Variants in TET1 observed in about 807,000 individuals in gnomAD.
TET1 encodes tet methylcytosine dioxygenase 1.
Under a neutral mutation model 148.7 loss-of-function variants are expected in TET1, and 13 were observed. The ratio of observed to expected loss-of-function variants is 0.09; its 90% CI spans 0.06 to 0.14. The LOEUF is 0.14. Among genes scored for constraint, TET1 ranks in the 10% least tolerant of loss-of-function variants. TET1 has a pLI of 1.00. For synonymous variants in TET1, 907 were observed against 937.2 expected (o/e 0.97, Z 0.59); for missense variants, 2,182 against 2,553.8 (o/e 0.85, Z 3.14).
chr10:68,655,971 A>G (rs1457840010), intron 6 of TET1, among the ~76,000 whole-genome samples: 2 of 151,934 alleles, frequency 1.3e-5, no homozygotes, highest in Admixed American at 6.6e-5. Context: ...GTGGGATTAG[A>G]CTCTCATAGG....
Position 68,573,746 on chromosome 10 carries a change from C to G in TET1, c.1408C>G (p.Pro470Ala). ...LAVQGAIQIL[P>A]LGSGHTPQSS... ...AGTCCAGGGTGCTATACAGATTTTG[C>G]CTTTGGGCTCAGGACACACTCCTCA... Residue 470 changes from proline to alanine, a missense_variant, in exon 2 of 12, where the codon CCT (proline) becomes GCT (alanine). By Grantham distance (27) the Pro-to-Ala change is conservative (BLOSUM62 -1). Transcript: ENST00000373644. 6.2e-7 allele frequency: 1 copy of G among 1,614,008 alleles called. No individual in the cohort carries two copies. Among genetic ancestry groups the G allele is most frequent in the Non-Finnish European group, 8.5e-7 (1 of 1,180,038 alleles).
At position 68,646,539 on chromosome 10, in the gene TET1, G is replaced by A. The variant is rs765606047; in HGVS notation, c.3810G>A (p.Thr1270=). 8.1e-6 allele frequency: 13 copies of A among 1,614,088 alleles called. No homozygotes were observed. The highest frequency in any genetic ancestry group is 3.3e-5 in the South Asian group (3 of 91,068). The part of the protein sequence containing the change: ...LDSLSLFHLK[T]ESNGKAFTDK... Reference sequence around the variant, plus strand: ...CACTCAGCTTATTTCATCTTAAAACGGAATCCAACGGGAAGGCATTCACTG... The same window carrying A: ...CACTCAGCTTATTTCATCTTAAAACAGAATCCAACGGGAAGGCATTCACTG... The change falls in exon 4 of 12, where the codon ACG becomes ACA. Residue 1270 remains threonine, a synonymous_variant. Coordinates refer to ENST00000373644, the MANE Select transcript of TET1 (RefSeq NM_030625.3).
At chr10:68,605,214 T>C (rs1048408040) in intron 3 of TET1, among the ~76,000 whole-genome samples, 2 of 152,210 alleles carry the variant, frequency 1.3e-5, no homozygotes, top group Non-Finnish European at 2.9e-5. Flanking sequence ...GGCTCAGGCC[T>C]GTAATCCCAA....
chr10:68,582,553 G>A lies in TET1; in HGVS notation c.1914+8301G>A, dbSNP rs2053809985. Among the ~76,000 whole-genome samples, 4 of 152,102 alleles carry A rather than the reference G, an allele frequency of 2.6e-5. No individual in the cohort carries two copies. The South Asian group carries it at 8.3e-4, about 32-fold the overall frequency. On this transcript the variant is annotated intron_variant, in intron 2 of 11. Coordinates refer to ENST00000373644, the MANE Select transcript of TET1 (RefSeq NM_030625.3). Reference sequence around the variant, plus strand: ...AGTGTTAATATGATACAAATTGAACGACTGACTGTCCACTATTTTATGTGC... The same window carrying A: ...AGTGTTAATATGATACAAATTGAACAACTGACTGTCCACTATTTTATGTGC...
At chr10:68,635,586 T>A (rs1368107122) in intron 3 of TET1, among the ~76,000 whole-genome samples, 1 of 152,224 alleles carries the variant, frequency 6.6e-6, no homozygotes, top group Admixed American at 6.5e-5. Context: ...ATAGCTAAGA[T>A]ACTGAAAAGA....
In TET1 at chr10:68,644,852, A is replaced by C. The variant is rs746393438; in HGVS notation, c.2123A>C (p.Glu708Ala). Residue 708 changes from glutamate (E) to alanine (A), a missense_variant, in exon 4 of 12, where the codon GAG becomes GCG. This residue lies in a region of TET1 where 226 missense variants were observed against 307.4 expected (regional missense o/e 0.74). Coordinates refer to ENST00000373644, the MANE Select transcript of TET1 (RefSeq NM_030625.3). ...GACAGCATGACAGGCATCGAGGTGG[A>C]GAAGTGGACACAAAACAAGAAATCA... ...NEDSMTGIEV[E>A]KWTQNKKSQL... The C allele has an allele frequency of 6.2e-7, 1 of 1,613,948 alleles. No homozygotes were observed. Among genetic ancestry groups the C allele is most frequent in the Non-Finnish European group, 8.5e-7 (1 of 1,179,924 alleles).
intron 1 of TET1, among the ~76,000 whole-genome samples, chr10:68,567,673 A>C (rs1447817978): frequency 6.6e-6 from 1 of 151,438 alleles, no homozygotes; most frequent in Non-Finnish European, 1.5e-5. Flanking sequence ...TGAGGTCAGG[A>C]ATTGGAGACC....
intron 2 of TET1, among the ~76,000 whole-genome samples, chr10:68,592,895 C>A (rs192230940): frequency 6.6e-6 from 1 of 152,166 alleles, no homozygotes; most frequent in East Asian, 1.9e-4. Flanking sequence ...TGGGTGGCAA[C>A]AATGACATTC....
rs1275431119 is a variant in TET1 at position 68,624,131 on chromosome 10, C to CTGTT, written c.1969-20566_1969-20563dup. On this transcript the variant is annotated intron_variant, in intron 3 of 11. Transcript: ENST00000373644. ...TTTTTTTTTGAAATGGAGTCTCGAT[C>CTGTT]TGTTGCCCAGGCTGGAGTGCAGTGT... 1.4e-4 allele frequency among the ~76,000 whole-genome samples: 20 copies of CTGTT among 148,030 alleles called. 1 individual carries two copies. The South Asian group carries it at 3.6e-3, about 27-fold the overall frequency.
At chr10:68,575,883 G>A (rs2053723680) in intron 2 of TET1, among the ~76,000 whole-genome samples, 1 of 150,396 alleles carries the variant, frequency 6.6e-6, no homozygotes. Context: ...AGCCGGGCGT[G>A]ACGGCGTGCG....
At chr10:68,624,633 TTTC>T (rs1425146467) in intron 3 of TET1, among the ~76,000 whole-genome samples, 24 of 43,146 alleles carry the variant, frequency 5.6e-4, no homozygotes, top group African/African-American at 3.4e-3. Flanking sequence ...TCTTTCTTTC[TTTC>T]TTTCTTTCTT....
chr10:68,626,105 A>AAAG (rs1554938493), intron 3 of TET1, among the ~76,000 whole-genome samples: 1,408 of 87,088 alleles, frequency 0.016, 50 homozygotes, highest in African/African-American at 0.051. Context: ...AAAGAAAAAA[A>AAAG]AAAAGAAAAG....
intron 3 of TET1, among the ~76,000 whole-genome samples, chr10:68,615,996 G>A (rs1393805840): frequency 6.6e-6 from 1 of 152,092 alleles, no homozygotes; most frequent in Non-Finnish European, 1.5e-5. Context: ...CTATAAATAA[G>A]GACATCTTAG....
chr10:68,650,639 T>A (rs1195797507), intron 4 of TET1, among the ~76,000 whole-genome samples: 2 of 151,372 alleles, frequency 1.3e-5, no homozygotes, highest in Non-Finnish European at 2.9e-5. Context: ...CTCAAAAAAA[T>A]AATAATAAAA....
intron 8 of TET1, among the ~76,000 whole-genome samples, chr10:68,679,802 T>C (rs536577536): frequency 6.6e-6 from 1 of 152,226 alleles, no homozygotes; most frequent in African/African-American, 2.4e-5. Context: ...GACTCCCAAA[T>C]ATCTGGGACT....
intron 3 of TET1, among the ~76,000 whole-genome samples, chr10:68,637,539 T>TTTTTTTTTTTTTTTTTTC (rs2054672119): frequency 5.4e-5 from 8 of 147,920 alleles, no homozygotes; most frequent in African/African-American, 2.0e-4. Context: ...TTTTTTTTTT[T>TTTTTTTTTTTTTTTTTTC]AAGAGACAGA....
intron 1 of TET1, among the ~76,000 whole-genome samples, chr10:68,567,835 G>T (rs2053624303): frequency 6.6e-6 from 1 of 151,920 alleles, no homozygotes; most frequent in Non-Finnish European, 1.5e-5. Context: ...CCATTCGTGA[G>T]AACATATGGT....
At chr10:68,596,262 T>C (rs1486027475) in intron 2 of TET1, among the ~76,000 whole-genome samples, 1 of 151,724 alleles carries the variant, frequency 6.6e-6, no homozygotes, top group Admixed American at 6.6e-5. Flanking sequence ...TGTTAGATAC[T>C]GAAAATCAAG....
intron 2 of TET1, among the ~76,000 whole-genome samples, chr10:68,582,579 AG>A (rs2053810224): frequency 1.3e-5 from 2 of 152,214 alleles, no homozygotes; most frequent in South Asian, 4.1e-4. Context: ...TTTTATGTGC[AG>A]GCCTTTCCAT....
Sources: allele counts gnomAD v4.1 joint callset (sites outside exome capture counted in the v4.1 genomes callset), GRCh38; gene constraint gnomAD v4.1.1; regional missense constraint gnomAD v4.1.1; transcripts MANE v1.5; gene names NCBI Gene and HGNC (gene_info 2026-07-23, HGNC 2026-07-21).